CELF2: variants seen among roughly 807,000 people sequenced by gnomAD.
CELF2 encodes the protein CUGBP Elav-like family member 2.
In CELF2, 8 loss-of-function variants were observed where a neutral mutation model predicts 62.6. The ratio of observed to expected loss-of-function variants is 0.13; its 90% CI spans 0.07 to 0.23. CELF2 has a LOEUF of 0.23. Among genes scored for constraint, CELF2 ranks in the 10% least tolerant of loss-of-function variants. The probability of loss-of-function intolerance (pLI) is 1.00; values close to 1 mark genes in which losing one functional copy is unlikely to be tolerated. For synonymous variants in CELF2, 258 were observed against 250.0 expected (o/e 1.03, Z -0.30); for missense variants, 333 against 671.0 (o/e 0.50, Z 5.56).
the CELF2 span, among the ~76,000 whole-genome samples, chr10:10,662,968 A>T: frequency 1.3e-5 from 2 of 152,192 alleles, no homozygotes; most frequent in Admixed American, 1.3e-4. Flanking sequence ...ACTGTTCTGA[A>T]GGGTCTTATT....
At chr10:10,932,093 A>G (rs899460564) in intron 2 of CELF2, among the ~76,000 whole-genome samples, 28 of 152,172 alleles carry the variant, frequency 1.8e-4, no homozygotes, top group Non-Finnish European at 4.4e-5. Context: ...CACAGCCAGA[A>G]CATATCAGGC....
At chr10:11,205,200 C>A (rs546214888) in intron 2 of CELF2, among the ~76,000 whole-genome samples, 5 of 152,176 alleles carry the variant, frequency 3.3e-5, no homozygotes, top group Non-Finnish European at 7.3e-5. Context: ...CAATTCTAAG[C>A]CCTATTAAAG....
chr10:11,190,440 G>C (rs1232848758), intron 2 of CELF2, among the ~76,000 whole-genome samples: 1 of 152,018 alleles, frequency 6.6e-6, no homozygotes, highest in Non-Finnish European at 1.5e-5. Context: ...CTGTGTGTCA[G>C]TTTGCAAACA....
intron 1 of CELF2, among the ~76,000 whole-genome samples, chr10:11,057,558 A>T (rs1286111519): frequency 6.6e-6 from 1 of 152,250 alleles, no homozygotes; most frequent in Non-Finnish European, 1.5e-5. Context: ...TAGCATTTGA[A>T]TAAGTGTTGA....
chr10:10,527,656 G>A, the CELF2 span, among the ~76,000 whole-genome samples: 1 of 152,140 alleles, frequency 6.6e-6, no homozygotes, highest in African/African-American at 2.4e-5. Context: ...AGGATACACT[G>A]GAGACTCCAA....
intron 2 of CELF2, among the ~76,000 whole-genome samples, chr10:10,948,979 C>T (rs7093099): frequency 0.15 from 23,432 of 152,078 alleles, 1,993 homozygotes; most frequent in Middle Eastern, 0.29. Context: ...TTCACATGTT[C>T]CAGACACTGC....
the CELF2 span, among the ~76,000 whole-genome samples, chr10:10,592,586 A>G: frequency 3.9e-5 from 6 of 152,222 alleles, no homozygotes; most frequent in African/African-American, 1.4e-4. Flanking sequence ...TTCAGAGTTC[A>G]TATCTTATAA....
intron 1 of CELF2, among the ~76,000 whole-genome samples, chr10:10,892,271 TC>T (rs1026084826): frequency 5.0e-4 from 76 of 152,186 alleles, no homozygotes; most frequent in African/African-American, 1.8e-3. Flanking sequence ...GCAGGAAGCT[TC>T]CCTAGAGACT....
chr10:10,644,409 G>GTGTA, the CELF2 span, among the ~76,000 whole-genome samples: 1 of 150,390 alleles, frequency 6.6e-6, no homozygotes, highest in Non-Finnish European at 1.5e-5. Context: ...GTTCGTGTGT[G>GTGTA]TGTGTGTGTG....
At chr10:10,769,716 A>T in the CELF2 span, among the ~76,000 whole-genome samples, 3 of 152,036 alleles carry the variant, frequency 2.0e-5, no homozygotes, top group Non-Finnish European at 4.4e-5. Flanking sequence ...GTGAGCTGAG[A>T]TCACACCACT....
chr10:10,478,323 G>C, the CELF2 span, among the ~76,000 whole-genome samples: 1 of 152,100 alleles, frequency 6.6e-6, no homozygotes, highest in African/African-American at 2.4e-5. Context: ...ACCCCAGTTA[G>C]GTATTTTTAT....
At chr10:10,690,236 G>C in the CELF2 span, among the ~76,000 whole-genome samples, 1 of 152,126 alleles carries the variant, frequency 6.6e-6, no homozygotes, top group Admixed American at 6.5e-5. Flanking sequence ...TTTGTGACTG[G>C]TTCATTATGA....
At position 11,270,216 on chromosome 10, in the gene CELF2, T is replaced by C. The variant is rs576334714; in HGVS notation, c.619-450T>C. 1.3e-5 allele frequency among the ~76,000 whole-genome samples: 2 copies of C among 152,124 alleles called. No homozygotes were observed. Among genetic ancestry groups the C allele is most frequent in the African/African-American group, 4.8e-5 (2 of 41,406 alleles). On this transcript the variant is annotated intron_variant, in intron 6 of 12. Transcript: ENST00000633077. The surrounding 1 kb of genome is among the most constrained non-coding windows in gnomAD (Gnocchi z 5.8). ...CGGGAAAGAGTAAAAGATAAATGAATGAGAGACATGGCCATTCCCGTTACA... is the reference window on the plus strand; with the variant it reads ...CGGGAAAGAGTAAAAGATAAATGAACGAGAGACATGGCCATTCCCGTTACA...
the CELF2 span, among the ~76,000 whole-genome samples, chr10:10,650,890 G>T: frequency 6.6e-6 from 1 of 152,170 alleles, no homozygotes; most frequent in African/African-American, 2.4e-5. Flanking sequence ...AATAGGAACA[G>T]CTCCGGTCTA....
At chr10:11,116,684 A>C (rs1389803422) in intron 1 of CELF2, among the ~76,000 whole-genome samples, 1 of 152,240 alleles carries the variant, frequency 6.6e-6, no homozygotes, top group African/African-American at 2.4e-5. Context: ...TCAGTGAAGA[A>C]AGAGACCCTG....
rs1329022721 is a variant in CELF2 at position 11,314,350 on chromosome 10, G to A, written c.1096+92G>A. On this transcript the variant is annotated intron_variant, in intron 10 of 12. Coordinates refer to ENST00000633077, the MANE Select transcript of CELF2 (RefSeq NM_001326342.2). The surrounding 1 kb of genome is among the most constrained non-coding windows in gnomAD (Gnocchi z 5.3). The stretch of plus-strand genomic sequence containing the variant: ...GGTCAGCCAGAAATGACCCGAAAAA[G>A]GATATGCCACGGGGAGAACTAAAAC... The A allele has an allele frequency of 1.9e-6, 3 of 1,556,076 alleles. No individual in the cohort carries two copies. Among genetic ancestry groups the A allele is most frequent in the South Asian group, 2.2e-5 (2 of 89,414 alleles).
At chr10:10,694,454 G>C in the CELF2 span, among the ~76,000 whole-genome samples, 1 of 151,980 alleles carries the variant, frequency 6.6e-6, no homozygotes, top group Non-Finnish European at 1.5e-5. Flanking sequence ...TTTTGGAATT[G>C]GTGTGGCATG....
At chr10:10,699,311 A>G in the CELF2 span, among the ~76,000 whole-genome samples, 1 of 152,354 alleles carries the variant, frequency 6.6e-6, no homozygotes, top group South Asian at 2.1e-4. Context: ...GTAATTATTC[A>G]ATCAGGATTT....
chr10:11,061,810 TTTTA>T (rs1254397933), intron 1 of CELF2, among the ~76,000 whole-genome samples: 2 of 152,170 alleles, frequency 1.3e-5, no homozygotes, highest in Non-Finnish European at 2.9e-5. Flanking sequence ...TTACTGAATT[TTTTA>T]TTTGTTTGTT....
Sources: gnomAD v4.1 joint callset for allele counts (sites outside exome capture counted in the v4.1 genomes callset) on GRCh38, gnomAD v4.1.1 for gene constraint, Gnocchi (gnomAD v3.1) non-coding constraint, MANE v1.5 for transcripts, NCBI Gene and HGNC (gene_info 2026-07-23, HGNC 2026-07-21) for gene names.